CCDC88C: variants seen among roughly 807,000 people sequenced by gnomAD.
The protein encoded by CCDC88C is protein Daple.
In CCDC88C, 131 loss-of-function variants were observed where a neutral mutation model predicts 198.8. The ratio of observed to expected loss-of-function variants is 0.66; its 90% CI spans 0.57 to 0.76. The LOEUF (loss-of-function observed/expected upper bound fraction) is 0.76. Ranked by LOEUF, CCDC88C falls within the 30% of genes least tolerant of loss-of-function variation. The pLI, the probability that CCDC88C is intolerant of heterozygous loss-of-function variation, is 0.00. For missense variants in CCDC88C, 2,553 were observed against 2,631.6 expected (o/e 0.97, Z 0.65); for synonymous variants, 1,166 against 1,114.7 (o/e 1.05, Z -0.92).
rs7160308 is a variant in CCDC88C at position 91,313,907 on chromosome 14, G to A, written c.1909C>T (p.Leu637=). 6 of 1,611,280 alleles carry A rather than the reference G, an allele frequency of 3.7e-6. No individual in the cohort carries two copies. The Admixed American group carries it at 6.7e-5, about 18-fold the overall frequency. The part of the protein sequence containing the change: ...GERAEKLERE[L]QRLQEENGRL... ...CCGTTCTCCTCCTGGAGTCGCTGTA[G>A]CTCCCTCTCCAGCTTCTCTGCCCGC... Residue 637 remains leucine, a synonymous_variant, in exon 15 of 30, where the codon CTA becomes TTA. Coordinates refer to ENST00000389857, the MANE Select transcript of CCDC88C (RefSeq NM_001080414.4). The surrounding 1 kb of genome is among the most constrained non-coding windows in gnomAD (Gnocchi z 5.2).
At position 91,313,539 on chromosome 14, in the gene CCDC88C, G is replaced by C. The variant is rs1034688035; in HGVS notation, c.2277C>G (p.Leu759=). 3 of 1,610,260 alleles carry C rather than the reference G, an allele frequency of 1.9e-6. No individual in the cohort carries two copies. The highest frequency in any genetic ancestry group is 1.7e-6 in the Non-Finnish European group (2 of 1,179,876). The part of the protein sequence containing the change: ...ALGKKSERLE[L]SYQSVSAENL... ...TCTCAGCGCTCACGCTCTGGTAGCT[G>C]AGCTCCAGGCGCTCTGACTTCTTGC... The change falls in exon 15 of 30, where the codon CTC becomes CTG. Residue 759 remains leucine, a synonymous_variant. Transcript: ENST00000389857. This position sits in a 1 kb window ranked among gnomAD's most constrained non-coding sequence, Gnocchi z 5.2.
At chr14:91,375,035 G>A (rs1884310789) in intron 3 of CCDC88C, among the ~76,000 whole-genome samples, 1 of 152,296 alleles carries the variant, frequency 6.6e-6, no homozygotes, top group East Asian at 1.9e-4. Context: ...CAAAACACCA[G>A]GAACTCTCTT....
chr14:91,384,020 G>A (rs1256920998), intron 3 of CCDC88C, among the ~76,000 whole-genome samples: 1 of 152,194 alleles, frequency 6.6e-6, no homozygotes, highest in Non-Finnish European at 1.5e-5. Flanking sequence ...CGGCACACTG[G>A]TGCATCCCGG....
At chr14:91,384,426 C>T (rs567774665) in intron 3 of CCDC88C, 147 of 520,286 alleles carry the variant, frequency 2.8e-4, no homozygotes, top group African/African-American at 2.6e-3. Context: ...TGCTTCACTG[C>T]TGCTTGCACT....
At chr14:91,389,048 A>C (rs1360246343) in intron 3 of CCDC88C, among the ~76,000 whole-genome samples, 3 of 152,190 alleles carry the variant, frequency 2.0e-5, no homozygotes, top group African/African-American at 7.2e-5. Context: ...ATTAGTCTGC[A>C]CGCCAGCCCA....
chr14:91,273,360 C>A lies in CCDC88C; in HGVS notation c.5352G>T (p.Gln1784His). The A allele has an allele frequency of 6.5e-7, 1 of 1,530,028 alleles. No individual in the cohort carries two copies. Among genetic ancestry groups the A allele is most frequent in the Non-Finnish European group, 8.8e-7 (1 of 1,136,956 alleles). 94.8% of individuals were successfully genotyped at this position (1,530,028 alleles called of 1,614,324 possible). Residue 1784 changes from glutamine (Q) to histidine (H), a missense_variant, in exon 30 of 30, where the codon CAG becomes CAT. By Grantham distance (24) the Gln-to-His change is conservative. Coordinates refer to ENST00000389857, the MANE Select transcript of CCDC88C (RefSeq NM_001080414.4). This position sits in a 1 kb window ranked among gnomAD's most constrained non-coding sequence, Gnocchi z 5.6. ...CATGGGAAGCTGGGGGCACCGGAGCCTGCCGGGGTCTGCCCAGAGACAGGC... is the reference window on the plus strand; with the variant it reads ...CATGGGAAGCTGGGGGCACCGGAGCATGCCGGGGTCTGCCCAGAGACAGGC... ...PQSLSLGRPRQAPVPPASHAP... is the reference protein window; with the variant it reads ...PQSLSLGRPRHAPVPPASHAP...
chr14:91,386,796 G>A (rs965269464), intron 3 of CCDC88C, among the ~76,000 whole-genome samples: 1 of 152,254 alleles, frequency 6.6e-6, no homozygotes, highest in Non-Finnish European at 1.5e-5. Flanking sequence ...AACAGCCCTG[G>A]GCTCTGCATT....
intron 22 of CCDC88C, among the ~76,000 whole-genome samples, chr14:91,296,458 G>C (rs1891005899): frequency 6.6e-6 from 1 of 152,222 alleles, no homozygotes. Flanking sequence ...GCCTGTGACA[G>C]CACAGCCCCT....
intron 6 of CCDC88C, chr14:91,342,024 T>C (rs894872768): frequency 4.9e-6 from 1 of 202,840 alleles, no homozygotes; most frequent in Admixed American, 5.5e-5. Flanking sequence ...CAGGGTGACA[T>C]TTGCCAGAAT....
At chr14:91,369,859 C>T (rs919470228) in intron 3 of CCDC88C, among the ~76,000 whole-genome samples, 3 of 152,184 alleles carry the variant, frequency 2.0e-5, no homozygotes, top group Non-Finnish European at 2.9e-5. Context: ...AGCCCAGGAG[C>T]GCCGGCTCCC....
chr14:91,384,273 C>CTT (rs3029466), intron 3 of CCDC88C: 48 of 296,846 alleles, frequency 1.6e-4, no homozygotes, highest in South Asian at 5.5e-4. Flanking sequence ...CCCCATCTCT[C>CTT]TTTTTTTTTT....
intron 12 of CCDC88C, among the ~76,000 whole-genome samples, chr14:91,321,684 G>A (rs1276059471): frequency 6.6e-6 from 1 of 152,160 alleles, no homozygotes; most frequent in African/African-American, 2.4e-5. Flanking sequence ...ACCCCCCAGA[G>A]CATAATGGAC....
intron 22 of CCDC88C, among the ~76,000 whole-genome samples, chr14:91,294,955 GC>G (rs1890936969): frequency 6.6e-6 from 1 of 152,222 alleles, no homozygotes; most frequent in South Asian, 2.1e-4. Flanking sequence ...ACCGCGCCTG[GC>G]CTGAAGTCTG....
chr14:91,397,766 C>G (rs1045160159), intron 3 of CCDC88C, among the ~76,000 whole-genome samples: 3 of 152,242 alleles, frequency 2.0e-5, no homozygotes, highest in African/African-American at 7.2e-5. Context: ...GCCCACACTC[C>G]CAGCTGGGGG....
At chr14:91,354,541 G>A (rs923341381) in intron 4 of CCDC88C, among the ~76,000 whole-genome samples, 6 of 152,242 alleles carry the variant, frequency 3.9e-5, no homozygotes, top group African/African-American at 1.4e-4. Flanking sequence ...CTCAGGCCTA[G>A]GGGAGACAGA....
In CCDC88C at chr14:91,339,533, A is replaced by C; in HGVS notation, c.625-71T>G. On this transcript the variant is annotated intron_variant, in intron 7 of 29. Transcript: ENST00000389857. The surrounding 1 kb of genome is among the most constrained non-coding windows in gnomAD (Gnocchi z 5.8). ...ACCAGCACAACGCCTGAGCTTGAAC[A>C]GGGTGAAGAAACCGCCAAAAGACAG... 7.1e-7 allele frequency: 1 copy of C among 1,415,570 alleles called. No individual in the cohort carries two copies. The allele number at this position is 1,415,570 out of a possible 1,614,324, so 87.7% of individuals were successfully genotyped here.
intron 2 of CCDC88C, among the ~76,000 whole-genome samples, chr14:91,413,695 G>T (rs557568844): frequency 1.1e-4 from 16 of 152,302 alleles, no homozygotes; most frequent in African/African-American, 3.1e-4. Context: ...TCCAGGTGCT[G>T]ATGTCACCAG....
intron 3 of CCDC88C, among the ~76,000 whole-genome samples, chr14:91,402,952 G>C (rs1020413798): frequency 2.6e-5 from 4 of 152,198 alleles, no homozygotes; most frequent in Non-Finnish European, 4.4e-5. Flanking sequence ...AGAAGTCAGA[G>C]AGCCGAGCTC....
rs1363731798 is a variant in CCDC88C at position 91,381,813 on chromosome 14, G to C, written c.271-22102C>G. ...CGTGCCAGCCAGGGCAACGGAGCAA[G>C]ACTCTGTCTCGAAAAACAAAAACAA... On this transcript the variant is annotated intron_variant, in intron 3 of 29. Transcript: ENST00000389857. This position sits in a 1 kb window ranked among gnomAD's most constrained non-coding sequence, Gnocchi z 4.2. 6.9e-6 allele frequency among the ~76,000 whole-genome samples: 1 copy of C among 144,832 alleles called. No homozygotes were observed. The highest frequency in any genetic ancestry group is 1.5e-5 in the Non-Finnish European group (1 of 65,830).
Sources: allele counts gnomAD v4.1 joint callset (sites outside exome capture counted in the v4.1 genomes callset), GRCh38; gene constraint gnomAD v4.1.1; non-coding constraint Gnocchi (gnomAD v3.1); transcripts MANE v1.5; gene names NCBI Gene and HGNC (gene_info 2026-07-23, HGNC 2026-07-21).